Variants in LRRC8B observed in about 807,000 individuals in gnomAD.
The protein encoded by LRRC8B is volume-regulated anion channel subunit LRRC8B.
Under a neutral mutation model 58.8 loss-of-function variants are expected in LRRC8B, and 23 were observed. The ratio of observed to expected loss-of-function variants is 0.39; its 90% CI spans 0.28 to 0.55. The LOEUF (loss-of-function observed/expected upper bound fraction) is 0.55. Ranked by LOEUF, LRRC8B falls within the 20% of genes least tolerant of loss-of-function variation. The pLI is 0.62. For synonymous variants in LRRC8B, 359 were observed against 374.1 expected, an observed-to-expected ratio of 0.96 and a Z score of 0.47; for missense variants, 694 against 936.0, an observed-to-expected ratio of 0.74 and a Z score of 3.37.
rs1654465743 is a variant in LRRC8B, at chr1:89,584,255, G to A, written c.1605G>A (p.Gln535=). ...GTACTATGCAGTTGGAGGGCTTTCA[G>A]GACTTAAAAAATCTAAGGACCCTGT... The part of the protein sequence containing the change: ...QLSTMQLEGF[Q]DLKNLRTLYL... The change falls in exon 5 of 6, where the codon CAG becomes CAA. Residue 535 remains glutamine, a synonymous_variant. Coordinates refer to ENST00000330947, the MANE Select transcript of LRRC8B (RefSeq NM_001369817.2). 6.2e-7 allele frequency: 1 copy of A among 1,613,180 alleles called. No individual in the cohort carries two copies. The highest frequency in any genetic ancestry group is 8.5e-7 in the Non-Finnish European group (1 of 1,180,024).
intron 1 of LRRC8B, among the ~76,000 whole-genome samples, chr1:89,565,736 T>C (rs778027122): frequency 3.3e-5 from 5 of 152,186 alleles, no homozygotes; most frequent in Non-Finnish European, 5.9e-5. Flanking sequence ...TTACTAAATA[T>C]TCATGGCACA....
intron 5 of LRRC8B, among the ~76,000 whole-genome samples, chr1:89,586,002 T>A (rs1654599248): frequency 1.3e-5 from 2 of 152,162 alleles, no homozygotes; most frequent in African/African-American, 4.8e-5. Flanking sequence ...TCATGCTGAT[T>A]TTTAGAACTC....
chr1:89,583,483 A>AT lies in LRRC8B; in HGVS notation c.839dup (p.Leu280PhefsTer7). On this transcript the variant is annotated frameshift_variant, in exon 5 of 6. Transcript: ENST00000330947. LOFTEE classifies it high-confidence loss of function. This position sits in a 1 kb window ranked among gnomAD's most constrained non-coding sequence, Gnocchi z 5.2. ...GTGCTCATCATAACTTATGTTCCAT[A>AT]TTTTTTAACCCACATCACTCTTGAA... The AT allele has an allele frequency of 1.2e-6, 2 of 1,613,890 alleles. No individual in the cohort carries two copies. Among genetic ancestry groups the AT allele is most frequent in the Non-Finnish European group, 1.7e-6 (2 of 1,180,000 alleles).
At chr1:89,562,399 C>A (rs1016021395) in intron 1 of LRRC8B, among the ~76,000 whole-genome samples, 2 of 152,232 alleles carry the variant, frequency 1.3e-5, no homozygotes, top group South Asian at 2.1e-4. Flanking sequence ...GAAAAAAAAT[C>A]TCCCATATTC....
chr1:89,575,619 C>T (rs562693068), intron 3 of LRRC8B, among the ~76,000 whole-genome samples: 30 of 152,212 alleles, frequency 2.0e-4, no homozygotes, highest in Non-Finnish European at 4.1e-4. Context: ...TTGCTGAGTT[C>T]TTGCCTCTTC....
At chr1:89,531,130 T>G (rs976923798) in intron 1 of LRRC8B, among the ~76,000 whole-genome samples, 7 of 152,326 alleles carry the variant, frequency 4.6e-5, no homozygotes, top group Admixed American at 4.6e-4. Flanking sequence ...TCATTTCTTT[T>G]AACAAAACTG....
Position 89,583,814 on chromosome 1 carries a change from A to C in LRRC8B, c.1164A>C (p.Leu388=). The change falls in exon 5 of 6, where the codon CTA becomes CTC. Residue 388 remains leucine (L), a synonymous_variant. Coordinates refer to ENST00000330947, the MANE Select transcript of LRRC8B (RefSeq NM_001369817.2). The surrounding 1 kb of genome is among the most constrained non-coding windows in gnomAD (Gnocchi z 5.2). The stretch of plus-strand genomic sequence containing the variant: ...ATTCCAAACGCTTCTCCATATTCCT[A>C]TCAGAGGTCAGTGAGAACAAACTGA... ...PLYSKRFSIF[L]SEVSENKLKQ... 1 of 1,614,170 alleles carries C rather than the reference A, an allele frequency of 6.2e-7. No homozygotes were observed. Among genetic ancestry groups the C allele is most frequent in the Non-Finnish European group, 8.5e-7 (1 of 1,180,020 alleles).
chr1:89,551,681 A>C (rs1273183495), intron 1 of LRRC8B, among the ~76,000 whole-genome samples: 1 of 152,214 alleles, frequency 6.6e-6, no homozygotes, highest in Non-Finnish European at 1.5e-5. Flanking sequence ...AGTATTTGAT[A>C]AAGTGAGTGA....
intron 1 of LRRC8B, among the ~76,000 whole-genome samples, chr1:89,534,514 T>TACACACAC (rs71312000): frequency 1.7e-4 from 26 of 149,208 alleles, no homozygotes; most frequent in African/African-American, 5.1e-4. Flanking sequence ...TTTTGTGACA[T>TACACACAC]ACACACACAC....
intron 1 of LRRC8B, among the ~76,000 whole-genome samples, chr1:89,555,912 AG>A (rs1652152890): frequency 6.6e-6 from 1 of 152,224 alleles, no homozygotes; most frequent in South Asian, 2.1e-4. Flanking sequence ...CACATCACAG[AG>A]CCCCATTCCT....
chr1:89,538,659 T>G (rs1239457538), intron 1 of LRRC8B, among the ~76,000 whole-genome samples: 2 of 152,200 alleles, frequency 1.3e-5, no homozygotes, highest in Non-Finnish European at 2.9e-5. Flanking sequence ...AGCATGAGTA[T>G]GTCATTTCCA....
chr1:89,592,695 T>TG (rs1424837430), intron 5 of LRRC8B, 76 bp from the exon 6 acceptor site: 20 of 1,283,602 alleles, frequency 1.6e-5, no homozygotes, highest in Non-Finnish European at 2.2e-5. Context: ...TTTTTTTTTT[T>TG]TGGAAAAAAG....
At chr1:89,573,332 T>A (rs1228158401) in intron 3 of LRRC8B, among the ~76,000 whole-genome samples, 1 of 151,850 alleles carries the variant, frequency 6.6e-6, no homozygotes, top group African/African-American at 2.4e-5. Flanking sequence ...ACAACTCAGA[T>A]GTCATTAGGA....
chr1:89,560,634 G>A (rs1176562189), intron 1 of LRRC8B, among the ~76,000 whole-genome samples: 1 of 149,686 alleles, frequency 6.7e-6, no homozygotes, highest in Non-Finnish European at 1.5e-5. Flanking sequence ...AGAATATGTG[G>A]TGTTTGGTTT....
intron 1 of LRRC8B, among the ~76,000 whole-genome samples, chr1:89,550,185 A>G (rs1049159411): frequency 3.9e-5 from 6 of 152,218 alleles, no homozygotes; most frequent in African/African-American, 1.2e-4. Flanking sequence ...ACTTAAAAGT[A>G]ATAGTAGTAC....
intron 3 of LRRC8B, 35 bp from the exon 4 acceptor site, chr1:89,579,556 T>C (rs1654078101): frequency 1.3e-5 from 2 of 152,670 alleles, no homozygotes; most frequent in African/African-American, 4.8e-5. Flanking sequence ...TTTGAATGAC[T>C]GTAGCTATTT....
At position 89,584,327 on chromosome 1, in the gene LRRC8B, C is replaced by T; in HGVS notation, c.1677C>T (p.Leu559=). The T allele has an allele frequency of 6.2e-7, 1 of 1,614,162 alleles. No individual in the cohort carries two copies. Among genetic ancestry groups the T allele is most frequent in the Non-Finnish European group, 8.5e-7 (1 of 1,180,036 alleles). Residue 559 remains leucine, a synonymous_variant, in exon 5 of 6, where the codon CTC becomes CTT. Coordinates refer to ENST00000330947, the MANE Select transcript of LRRC8B (RefSeq NM_001369817.2). ...GGATCCCACAAGTTGTTACAGACCTCCTGCCTTCATTGCAGAAACTGTCCC... is the reference window on the plus strand; with the variant it reads ...GGATCCCACAAGTTGTTACAGACCTTCTGCCTTCATTGCAGAAACTGTCCC... ...LSRIPQVVTD[L]LPSLQKLSLD... is the part of the protein sequence containing the mutation.
At chr1:89,554,811 G>T (rs1033288105) in intron 1 of LRRC8B, among the ~76,000 whole-genome samples, 1 of 152,056 alleles carries the variant, frequency 6.6e-6, no homozygotes, top group African/African-American at 2.4e-5. Context: ...GAAAAGACAG[G>T]AAAAAAACTA....
chr1:89,525,386 G>T (rs965356965), intron 1 of LRRC8B, among the ~76,000 whole-genome samples: 13 of 152,220 alleles, frequency 8.5e-5, no homozygotes, highest in African/African-American at 2.4e-4. Context: ...GGCGGGAAAG[G>T]GGTTCCGCTT....
Sources: gnomAD v4.1 joint callset for allele counts (sites outside exome capture counted in the v4.1 genomes callset) on GRCh38, gnomAD v4.1.1 for gene constraint, Gnocchi (gnomAD v3.1) non-coding constraint, MANE v1.5 for transcripts, NCBI Gene and HGNC (gene_info 2026-07-23, HGNC 2026-07-21) for gene names.